ERBB4: variants seen among roughly 807,000 people sequenced by gnomAD.
The protein encoded by ERBB4 is receptor tyrosine-protein kinase erbB-4.
In ERBB4, 42 loss-of-function variants were observed where a neutral mutation model predicts 158.0. That is an observed-to-expected ratio of 0.27 (90% CI 0.21 to 0.34). ERBB4 has a LOEUF of 0.34. Among genes scored for constraint, ERBB4 ranks in the 10% least tolerant of loss-of-function variants. The probability of loss-of-function intolerance (pLI) is 1.00; values close to 1 mark genes in which losing one functional copy is unlikely to be tolerated. For synonymous variants in ERBB4, 583 were observed against 558.7 expected, an observed-to-expected ratio of 1.04 and a Z score of -0.61; for missense variants, 1,333 against 1,624.1, an observed-to-expected ratio of 0.82 and a Z score of 3.08.
At chr2:212,339,344 T>TAAGA (rs909899385) in intron 1 of ERBB4, among the ~76,000 whole-genome samples, 15 of 152,158 alleles carry the variant, frequency 9.9e-5, no homozygotes, top group African/African-American at 3.6e-4. Flanking sequence ...GACATAATCT[T>TAAGA]GCTCATTATT....
At chr2:212,369,868 A>C (rs2106380905) in intron 1 of ERBB4, among the ~76,000 whole-genome samples, 1 of 152,226 alleles carries the variant, frequency 6.6e-6, no homozygotes, top group Admixed American at 6.5e-5. Context: ...GAATATACTA[A>C]TTTCGTTTAA....
At chr2:212,241,002 G>A (rs940268979) in intron 1 of ERBB4, among the ~76,000 whole-genome samples, 1 of 152,024 alleles carries the variant, frequency 6.6e-6, no homozygotes, top group Non-Finnish European at 1.5e-5. Context: ...TTGGTGATGG[G>A]CATTTGAATG....
At chr2:211,441,749 A>G (rs905395886) in intron 20 of ERBB4, among the ~76,000 whole-genome samples, 2 of 152,080 alleles carry the variant, frequency 1.3e-5, no homozygotes, top group African/African-American at 4.8e-5. Context: ...GCTGTCTTCC[A>G]CACAGCCCTA....
chr2:211,880,466 T>A (rs1376708736), intron 3 of ERBB4, among the ~76,000 whole-genome samples: 1 of 152,178 alleles, frequency 6.6e-6, no homozygotes, highest in Admixed American at 6.5e-5. Flanking sequence ...GCCTAATAAA[T>A]GTTCACACCA....
In ERBB4 at chr2:212,431,871, C is replaced by G. The variant is rs1041252022; in HGVS notation, c.82+106578G>C. On this transcript the variant is annotated intron_variant, in intron 1 of 27. Coordinates refer to ENST00000342788, the MANE Select transcript of ERBB4 (RefSeq NM_005235.3). ...GTAAATCTCTCCATGGGGCACCCTA[C>G]GTGAAACTATAATCTCCCAACATTC... 2.6e-5 allele frequency among the ~76,000 whole-genome samples: 4 copies of G among 152,160 alleles called. No individual in the cohort carries two copies. In the East Asian group the frequency reaches 7.7e-4, roughly 29 times the overall value.
chr2:211,626,738 C>A (rs2069860781), intron 17 of ERBB4, among the ~76,000 whole-genome samples: 1 of 151,884 alleles, frequency 6.6e-6, no homozygotes, highest in South Asian at 2.1e-4. Flanking sequence ...TCCTGGCTAA[C>A]ACTGTGAAAC....
chr2:212,099,493 G>A (rs1235222634), intron 2 of ERBB4, among the ~76,000 whole-genome samples: 5 of 152,094 alleles, frequency 3.3e-5, no homozygotes, highest in Non-Finnish European at 7.4e-5. Flanking sequence ...ATTACCAACA[G>A]GTATGTCTTT....
chr2:212,356,792 T>A (rs1417988802), intron 1 of ERBB4, among the ~76,000 whole-genome samples: 1 of 151,894 alleles, frequency 6.6e-6, no homozygotes, highest in African/African-American at 2.4e-5. Context: ...TCATATTCAG[T>A]CAAATTGCTT....
At chr2:212,161,165 T>A (rs1176976327) in intron 1 of ERBB4, among the ~76,000 whole-genome samples, 1 of 151,914 alleles carries the variant, frequency 6.6e-6, no homozygotes, top group East Asian at 1.9e-4. Flanking sequence ...AAGTCTTTAA[T>A]CTTCATCAGC....
chr2:212,148,890 T>C (rs1408375042), intron 1 of ERBB4, among the ~76,000 whole-genome samples: 1 of 144,692 alleles, frequency 6.9e-6, no homozygotes. Flanking sequence ...TTGGAAACCA[T>C]CATTCTCAGT....
chr2:211,600,680 G>A (rs182050149), intron 19 of ERBB4, among the ~76,000 whole-genome samples: 49 of 152,228 alleles, frequency 3.2e-4, no homozygotes, highest in African/African-American at 4.1e-4. Context: ...ATGGAGAAAT[G>A]AGCCAAAAAG....
chr2:212,510,231 AT>A (rs1235442064), intron 1 of ERBB4, among the ~76,000 whole-genome samples: 5 of 143,538 alleles, frequency 3.5e-5, no homozygotes, highest in Non-Finnish European at 7.6e-5. Flanking sequence ...ATATATATAT[AT>A]AACTACTCCC....
intron 13 of ERBB4, among the ~76,000 whole-genome samples, chr2:211,674,249 T>C (rs1448174984): frequency 6.6e-6 from 1 of 152,134 alleles, no homozygotes; most frequent in Non-Finnish European, 1.5e-5. Flanking sequence ...CCTGTGTTAC[T>C]ACTCCACACC....
At chr2:212,253,656 C>G (rs2084621662) in intron 1 of ERBB4, among the ~76,000 whole-genome samples, 1 of 152,204 alleles carries the variant, frequency 6.6e-6, no homozygotes, top group African/African-American at 2.4e-5. Context: ...CTAAACCACT[C>G]TGTTCTTGGC....
intron 2 of ERBB4, among the ~76,000 whole-genome samples, chr2:212,079,026 T>G (rs1344350774): frequency 6.6e-6 from 1 of 151,366 alleles, no homozygotes; most frequent in African/African-American, 2.4e-5. Flanking sequence ...TTTTTCTATT[T>G]CATTTTTATA....
At chr2:211,464,339 A>C (rs924872221) in intron 20 of ERBB4, among the ~76,000 whole-genome samples, 1 of 152,206 alleles carries the variant, frequency 6.6e-6, no homozygotes, top group Non-Finnish European at 1.5e-5. Flanking sequence ...AGAGTTATGC[A>C]ATACTGTGGC....
At chr2:212,092,968 T>G (rs114400955) in intron 2 of ERBB4, among the ~76,000 whole-genome samples, 12 of 152,062 alleles carry the variant, frequency 7.9e-5, no homozygotes, top group African/African-American at 2.4e-4. Context: ...TAAGAAAAAA[T>G]TAGGCAATAC....
At chr2:212,268,378 A>C (rs954191586) in intron 1 of ERBB4, among the ~76,000 whole-genome samples, 8 of 151,930 alleles carry the variant, frequency 5.3e-5, no homozygotes, top group African/African-American at 1.7e-4. Flanking sequence ...AGTTCCTTGC[A>C]GCTCTTTGAA....
chr2:211,805,577 C>A (rs2076595237), intron 3 of ERBB4, among the ~76,000 whole-genome samples: 1 of 152,200 alleles, frequency 6.6e-6, no homozygotes, highest in Admixed American at 6.5e-5. Flanking sequence ...CAAACCATGT[C>A]ATCTCTTGCC....
Sources: gnomAD v4.1 joint callset for allele counts (sites outside exome capture counted in the v4.1 genomes callset) on GRCh38, gnomAD v4.1.1 for gene constraint, MANE v1.5 for transcripts, NCBI Gene and HGNC (gene_info 2026-07-23, HGNC 2026-07-21) for gene names.